The following ADGB variants were observed in gnomAD, a reference collection of about 807,000 sequenced individuals.
ADGB encodes the protein androglobin.
Under a neutral mutation model 210.5 loss-of-function variants are expected in ADGB, and 172 were observed. The observed-to-expected ratio is 0.82, with a 90% CI of 0.72 to 0.93. The LOEUF (loss-of-function observed/expected upper bound fraction) is 0.93, where lower values mean the gene tolerates loss of function less well. Among genes scored for constraint, ADGB ranks in the 40% least tolerant of loss-of-function variants. The probability of loss-of-function intolerance (pLI) is 0.00; values close to 1 mark genes in which losing one functional copy is unlikely to be tolerated. For missense variants in ADGB, 2,025 were observed against 1,964.8 expected, an observed-to-expected ratio of 1.03 and a Z score of -0.58; for synonymous variants, 658 against 662.7, an observed-to-expected ratio of 0.99 and a Z score of 0.11.
At chr6:146,687,289 C>T (rs1018113487) in intron 10 of ADGB, among the ~76,000 whole-genome samples, 4 of 152,128 alleles carry the variant, frequency 2.6e-5, no homozygotes, top group Non-Finnish European at 4.4e-5. Flanking sequence ...GGCCTTCTCA[C>T]GCCTGCCTTT....
At chr6:146,688,446 C>A (rs78101257) in intron 10 of ADGB, among the ~76,000 whole-genome samples, 1 of 152,134 alleles carries the variant, frequency 6.6e-6, no homozygotes, top group East Asian at 1.9e-4. Flanking sequence ...GGAAATCTTA[C>A]GTTGGAAAGT....
chr6:146,746,010 C>T lies in ADGB; in HGVS notation c.3266C>T (p.Ala1089Val), dbSNP rs1214475171. The change falls in exon 26 of 36, where the codon GCT (alanine) becomes GTT (valine). Residue 1089 changes from alanine (A) to valine (V), a missense_variant. Ala to Val is a moderately conservative substitution (Grantham distance 64). Transcript: ENST00000397944. ...RWKLRLIGSS[A>V]PLPCLSRDSP... Reference sequence around the variant, plus strand: ...AAACTGCGTCTCATCGGTTCTTCTGCTCCACTGCCATGCCTCTCTCGAGAC... The same window carrying T: ...AAACTGCGTCTCATCGGTTCTTCTGTTCCACTGCCATGCCTCTCTCGAGAC... 1.3e-6 allele frequency: 2 copies of T among 1,551,388 alleles called. No individual in the cohort carries two copies. Among genetic ancestry groups the T allele is most frequent in the East Asian group, 2.4e-5 (1 of 40,896 alleles).
intron 20 of ADGB, among the ~76,000 whole-genome samples, chr6:146,731,365 A>AT (rs1474766805): frequency 6.6e-6 from 1 of 151,846 alleles, no homozygotes; most frequent in Non-Finnish European, 1.5e-5. Context: ...GACAAAAAAA[A>AT]AAAAAGCTAT....
In ADGB at chr6:146,717,013, T is replaced by C. The variant is rs967390691; in HGVS notation, c.1872T>C (p.Asn624=). The part of the protein sequence containing the change: ...EKSQEELPTT[N]NSVSKEIWLD... ...CACAGGAAGAACTTCCAACAACAAA[T>C]AATAGTGTTTCTAAAGAAATATGGT... The change falls in exon 15 of 36, where the codon AAT becomes AAC. Residue 624 remains asparagine (N), a synonymous_variant. Transcript: ENST00000397944. 1 of 1,551,422 alleles carries C rather than the reference T, an allele frequency of 6.4e-7. No homozygotes were observed. Among genetic ancestry groups the C allele is most frequent in the African/African-American group, 1.4e-5 (1 of 73,010 alleles).
At chr6:146,646,721 A>G (rs1374353556) in intron 3 of ADGB, among the ~76,000 whole-genome samples, 1 of 152,158 alleles carries the variant, frequency 6.6e-6, no homozygotes, top group East Asian at 1.9e-4. Flanking sequence ...AACAAATCAG[A>G]GGCTGAATTT....
chr6:146,777,344 T>C (rs1319255016), intron 29 of ADGB, among the ~76,000 whole-genome samples: 1 of 151,980 alleles, frequency 6.6e-6, no homozygotes, highest in Non-Finnish European at 1.5e-5. Flanking sequence ...ATTCAATAAA[T>C]ATTATTTTAA....
At position 146,763,898 on chromosome 6, in the gene ADGB, C is replaced by A. The variant is rs1309970867; in HGVS notation, c.3551-3C>A. On this transcript the variant is annotated splice_region_variant and splice_polypyrimidine_tract_variant and intron_variant, in intron 27 of 35. Coordinates refer to ENST00000397944, the MANE Select transcript of ADGB (RefSeq NM_024694.4). Reference sequence around the variant, plus strand: ...ACTTTAACTTAGTATTTCTCCTATTCAGCTAGCAAGCACATTCTTTCATTT... The same window carrying A: ...ACTTTAACTTAGTATTTCTCCTATTAAGCTAGCAAGCACATTCTTTCATTT... 1 of 1,548,692 alleles carries A rather than the reference C, an allele frequency of 6.5e-7. No homozygotes were observed.
At chr6:146,673,822 C>T (rs1433838781) in intron 8 of ADGB, among the ~76,000 whole-genome samples, 1 of 152,042 alleles carries the variant, frequency 6.6e-6, no homozygotes, top group Non-Finnish European at 1.5e-5. Flanking sequence ...GTCAAGACTC[C>T]TAGGCTGGTG....
At chr6:146,767,652 A>G (rs554002009) in intron 28 of ADGB, among the ~76,000 whole-genome samples, 1 of 152,204 alleles carries the variant, frequency 6.6e-6, no homozygotes, top group Non-Finnish European at 1.5e-5. Context: ...TTGTATTTTT[A>G]GTAGACAAAG....
intron 22 of ADGB, 130 bp downstream of exon 22, chr6:146,734,160 T>A: frequency 2.1e-6 from 2 of 972,570 alleles, no homozygotes; most frequent in East Asian, 2.6e-5. Flanking sequence ...ATAATGAAAT[T>A]ATTTGAAATC....
rs148354074 is a variant in ADGB at position 146,682,314 on chromosome 6, T to C, written c.1217-3420T>C. Among the ~76,000 whole-genome samples, 57 of 152,196 alleles carry C rather than the reference T, an allele frequency of 3.7e-4. No homozygotes were observed. In the East Asian group the frequency reaches 7.3e-3, roughly 20 times the overall value. On this transcript the variant is annotated intron_variant, in intron 9 of 35. Coordinates refer to ENST00000397944, the MANE Select transcript of ADGB (RefSeq NM_024694.4). ...CTTATAGAAAGCAAAAAAAGCTGTA[T>C]CACATGTAAAATAAAACATTTAAAT...
At chr6:146,784,935 C>A in intron 31 of ADGB, 141 bp downstream of exon 31, 1 of 849,456 alleles carries the variant, frequency 1.2e-6, no homozygotes, top group Non-Finnish European at 1.8e-6. Flanking sequence ...CATTGAATAA[C>A]TACGTTAGGA....
chr6:146,702,342 T>C (rs760242393), intron 13 of ADGB, among the ~76,000 whole-genome samples: 2 of 151,918 alleles, frequency 1.3e-5, no homozygotes, highest in Non-Finnish European at 2.9e-5. Context: ...AAAATGGTAT[T>C]TTATTTTTTA....
intron 21 of ADGB, 40 bp from the exon 22 acceptor site, chr6:146,733,853 A>G (rs1461519169): frequency 6.4e-7 from 1 of 1,550,454 alleles, no homozygotes; most frequent in Non-Finnish European, 8.7e-7. Flanking sequence ...GAAGGGATTA[A>G]ATATAACTTT....
At chr6:146,673,212 G>A (rs1776039809) in intron 8 of ADGB, among the ~76,000 whole-genome samples, 1 of 152,134 alleles carries the variant, frequency 6.6e-6, no homozygotes, top group African/African-American at 2.4e-5. Flanking sequence ...AGGGGCATTG[G>A]GACATATGGA....
chr6:146,769,855 A>G (rs536251162), intron 29 of ADGB, among the ~76,000 whole-genome samples: 1 of 152,346 alleles, frequency 6.6e-6, no homozygotes, highest in East Asian at 1.9e-4. Context: ...GGTCCCATTA[A>G]CCTGAGTTCA....
chr6:146,698,694 T>G (rs1276978962), intron 12 of ADGB, among the ~76,000 whole-genome samples: 1 of 152,152 alleles, frequency 6.6e-6, no homozygotes, highest in East Asian at 1.9e-4. Context: ...GTTTTAAAAT[T>G]TTGCTATTGT....
chr6:146,692,714 TGCTGAGTA>T (rs1422715524), intron 11 of ADGB, 103 bp from the exon 12 acceptor site: 1 of 498,576 alleles, frequency 2.0e-6, no homozygotes, highest in Non-Finnish European at 3.5e-6. Flanking sequence ...TATTGAAATT[TGCTGAGTA>T]AATAGTTAAT....
At chr6:146,713,870 T>G (rs1776693888) in intron 13 of ADGB, among the ~76,000 whole-genome samples, 1 of 152,134 alleles carries the variant, frequency 6.6e-6, no homozygotes, top group Non-Finnish European at 1.5e-5. Flanking sequence ...TTCTAGGAGT[T>G]TTGTAGTTTG....
Sources: allele counts gnomAD v4.1 joint callset (sites outside exome capture counted in the v4.1 genomes callset), GRCh38; gene constraint gnomAD v4.1.1; transcripts MANE v1.5; gene names NCBI Gene and HGNC (gene_info 2026-07-23, HGNC 2026-07-21).